SERPINB7: variants seen among roughly 807,000 people sequenced by gnomAD.
SERPINB7 encodes serpin family B member 7.
In SERPINB7, 31 loss-of-function variants were observed where a neutral mutation model predicts 37.4. That is an observed-to-expected ratio of 0.83 (90% CI 0.62 to 1.12). The LOEUF is 1.12. Ranked by LOEUF, SERPINB7 falls within the 50% of genes most tolerant of loss-of-function variation. SERPINB7 has a pLI of 0.00. For synonymous variants in SERPINB7, 163 were observed against 166.1 expected (o/e 0.98, Z 0.14); for missense variants, 521 against 455.3 (o/e 1.14, Z -1.31).
At chr18:63,783,994 C>T (rs1255697680) in intron 2 of SERPINB7, among the ~76,000 whole-genome samples, 4 of 151,536 alleles carry the variant, frequency 2.6e-5, no homozygotes, top group Non-Finnish European at 5.9e-5. Context: ...AGCGCTAGAG[C>T]GGTTTACAAC....
chr18:63,789,290 C>T (rs1048662733), intron 2 of SERPINB7, among the ~76,000 whole-genome samples: 2 of 152,166 alleles, frequency 1.3e-5, no homozygotes, highest in South Asian at 4.1e-4. Flanking sequence ...TCATCTCTCT[C>T]TCCATCTTAT....
chr18:63,770,782 G>T (rs1056499936), upstream of SERPINB7, among the ~76,000 whole-genome samples: 5 of 151,816 alleles, frequency 3.3e-5, no homozygotes, highest in African/African-American at 4.8e-5. Flanking sequence ...TACTATTAGG[G>T]TATAGAGTTC....
chr18:63,753,922 AC>A (rs1249760640), intron 1 of SERPINB7, among the ~76,000 whole-genome samples: 1 of 152,236 alleles, frequency 6.6e-6, no homozygotes, highest in African/African-American at 2.4e-5. Flanking sequence ...ACAATGACTT[AC>A]AACCTTGACA....
intron 2 of SERPINB7, among the ~76,000 whole-genome samples, chr18:63,785,864 C>T (rs1208678732): frequency 1.4e-5 from 2 of 146,244 alleles, no homozygotes; most frequent in Non-Finnish European, 3.0e-5. Context: ...TCTCACAAGA[C>T]ATTTCCATTG....
intron 2 of SERPINB7, among the ~76,000 whole-genome samples, chr18:63,786,614 A>G (rs1469603854): frequency 1.1e-5 from 1 of 92,758 alleles, no homozygotes; most frequent in African/African-American, 6.5e-5. Flanking sequence ...GATTCATAGT[A>G]TCTTTTTTTT....
intron 2 of SERPINB7, among the ~76,000 whole-genome samples, chr18:63,790,043 T>A (rs1568210916): frequency 6.6e-6 from 1 of 152,200 alleles, no homozygotes; most frequent in Non-Finnish European, 1.5e-5. Context: ...CCATGCATAG[T>A]CACTATTGAA....
At chr18:63,793,363 T>C in intron 4 of SERPINB7, 86 bp downstream of exon 4, 2 of 637,220 alleles carry the variant, frequency 3.1e-6, no homozygotes, top group Non-Finnish European at 2.7e-6. Context: ...TACTGAGCAA[T>C]ACAAAGATGG....
At chr18:63,770,635 C>G (rs536579848), upstream of SERPINB7, among the ~76,000 whole-genome samples, 3 of 151,846 alleles carry the variant, frequency 2.0e-5, no homozygotes, top group Non-Finnish European at 4.4e-5. Context: ...ATAGTAAACT[C>G]TAGTTTTATT....
chr18:63,759,169 A>T (rs1180281858), intron 1 of SERPINB7, among the ~76,000 whole-genome samples: 3 of 151,968 alleles, frequency 2.0e-5, no homozygotes, highest in Non-Finnish European at 4.4e-5. Context: ...ATTTTAATGC[A>T]TCTCATTTTT....
intron 2 of SERPINB7, among the ~76,000 whole-genome samples, chr18:63,783,283 A>AAAGGAAGAAAGG: frequency 8.2e-6 from 1 of 122,546 alleles, no homozygotes; most frequent in South Asian, 2.8e-4. Flanking sequence ...AGAAAGAAAG[A>AAAGGAAGAAAGG]AAGAAAGAAA....
chr18:63,761,152 A>C (rs1032976980), intron 1 of SERPINB7, among the ~76,000 whole-genome samples: 1 of 152,238 alleles, frequency 6.6e-6, no homozygotes, highest in Non-Finnish European at 1.5e-5. Flanking sequence ...GAGCTGTCCA[A>C]GACCATGGAA....
At chr18:63,766,728 C>T (rs2049182723) in intron 1 of SERPINB7, among the ~76,000 whole-genome samples, 1 of 152,110 alleles carries the variant, frequency 6.6e-6, no homozygotes, top group Non-Finnish European at 1.5e-5. Context: ...TATCTATATG[C>T]TGATTGCTAC....
chr18:63,783,232 G>GAGAAAGAAAGAAAGAAAGAAAGAA (rs761812129), intron 2 of SERPINB7, among the ~76,000 whole-genome samples: 1 of 40,760 alleles, frequency 2.5e-5, no homozygotes, highest in African/African-American at 1.2e-4. Context: ...GAGAGAGAGA[G>GAGAAAGAAAGAAAGAAAGAAAGAA]AGAAAGAAAG....
chr18:63,777,176 A>G (rs1404966136), intron 1 of SERPINB7, among the ~76,000 whole-genome samples: 1 of 152,174 alleles, frequency 6.6e-6, no homozygotes, highest in East Asian at 1.9e-4. Flanking sequence ...CATGTTAGTG[A>G]TTATACACAT....
At chr18:63,788,738 A>C (rs1222438210) in intron 2 of SERPINB7, among the ~76,000 whole-genome samples, 1 of 152,164 alleles carries the variant, frequency 6.6e-6, no homozygotes, top group Non-Finnish European at 1.5e-5. Flanking sequence ...TCTTTCATAC[A>C]GTTTTTTACT....
chr18:63,777,603 C>G (rs2049261075), intron 1 of SERPINB7, among the ~76,000 whole-genome samples: 1 of 151,948 alleles, frequency 6.6e-6, no homozygotes, highest in Non-Finnish European at 1.5e-5. Flanking sequence ...TATTTGACTA[C>G]TTTGAATTAG....
chr18:63,756,482 G>A (rs935635230), intron 1 of SERPINB7, among the ~76,000 whole-genome samples: 3 of 152,146 alleles, frequency 2.0e-5, no homozygotes, highest in African/African-American at 7.2e-5. Flanking sequence ...GATCAAATGA[G>A]GACACAGCAA....
chr18:63,780,500 C>T (rs563881088), intron 1 of SERPINB7, among the ~76,000 whole-genome samples: 1 of 152,164 alleles, frequency 6.6e-6, no homozygotes, highest in African/African-American at 2.4e-5. Context: ...CCTGCCAACT[C>T]GCATCCTGTA....
At chr18:63,777,468 A>T (rs1245243529) in intron 1 of SERPINB7, among the ~76,000 whole-genome samples, 1 of 152,094 alleles carries the variant, frequency 6.6e-6, no homozygotes, top group Non-Finnish European at 1.5e-5. Flanking sequence ...ACATTTCCAC[A>T]TGTAAGAAGT....
Sources: gnomAD v4.1 joint callset for allele counts (sites outside exome capture counted in the v4.1 genomes callset) on GRCh38, gnomAD v4.1.1 for gene constraint, MANE v1.5 for transcripts, NCBI Gene and HGNC (gene_info 2026-07-23, HGNC 2026-07-21) for gene names.